CHTF18: variants seen among roughly 807,000 people sequenced by gnomAD.
CHTF18 encodes the protein chromosome transmission fidelity protein 18 homolog.
In CHTF18, 151 loss-of-function variants were observed where a neutral mutation model predicts 113.4. That is an observed-to-expected ratio of 1.33 (90% CI 1.17 to 1.52). The LOEUF (loss-of-function observed/expected upper bound fraction) is 1.52. Among genes scored for constraint, CHTF18 ranks in the 40% most tolerant of loss-of-function variants. The probability of loss-of-function intolerance (pLI) is 0.00; values close to 1 mark genes in which losing one functional copy is unlikely to be tolerated. For missense variants in CHTF18, 1,982 were observed against 1,381.6 expected, an observed-to-expected ratio of 1.43 and a Z score of -6.89; for synonymous variants, 916 against 598.8, an observed-to-expected ratio of 1.53 and a Z score of -7.74.
Position 796,724 on chromosome 16 carries a change from G to C in CHTF18, c.2464G>C (p.Glu822Gln), listed in dbSNP as rs927501583. 1 of 1,600,656 alleles carries C rather than the reference G, an allele frequency of 6.2e-7. No individual in the cohort carries two copies. The highest frequency in any genetic ancestry group is 1.7e-5 in the Admixed American group (1 of 59,828). The part of the protein sequence containing the change: ...QYIYRLEPNV[E>Q]ELCRFPELPA... ...TCCCCCTGTGCTGAGCAGGAACGTG[G>C]AGGAACTCTGCCGCTTCCCTGAGCT... The change falls in exon 19 of 22, where the codon GAG (glutamate) becomes CAG (glutamine). Residue 822 changes from glutamate (E) to glutamine (Q), a missense_variant. Physicochemically the swap from Glu to Gln is conservative, Grantham distance 29 (BLOSUM62 2). Coordinates refer to ENST00000262315, the MANE Select transcript of CHTF18 (RefSeq NM_022092.3).
At chr16:793,558 C>G in intron 14 of CHTF18, 1 of 570,634 alleles carries the variant, frequency 1.8e-6, no homozygotes, top group Admixed American at 3.1e-5. Flanking sequence ...CCCCTTGACT[C>G]AGCTGCTGTC....
intron 3 of CHTF18, 88 bp downstream of exon 3, chr16:789,448 G>T: frequency 2.0e-6 from 3 of 1,534,472 alleles, no homozygotes; most frequent in Non-Finnish European, 2.6e-6. Flanking sequence ...AGGCCTGGGG[G>T]GTGGGGAGGG....
At chr16:789,989 C>G (rs535949964) in intron 4 of CHTF18, 188 bp from the exon 5 acceptor site, 2 of 1,535,306 alleles carry the variant, frequency 1.3e-6, no homozygotes, top group East Asian at 4.9e-5. Flanking sequence ...TAAAGCTGCC[C>G]CCAATTTCCC....
rs1365913477 is a variant in CHTF18, at chr16:795,439, GC to G, written c.2175+86del. The G allele has an allele frequency of 6.7e-6, 4 of 596,174 alleles. No individual in the cohort carries two copies. In the African/African-American group the frequency reaches 1.7e-4, roughly 26 times the overall value. The allele number at this position is 596,174 out of a possible 1,614,324, so 36.9% of individuals were successfully genotyped here. On this transcript the variant is annotated intron_variant, in intron 16 of 21. Coordinates refer to ENST00000262315, the MANE Select transcript of CHTF18 (RefSeq NM_022092.3). ...CCCGTGTGGCTGCCCCCGGCCCCGT[GC>G]CCGCCCCCCCAAACACACTGCCCGT... is the stretch of plus-strand genomic sequence containing the variant.
At chr16:794,686 C>A (rs1055607004) in intron 15 of CHTF18, 3 of 226,616 alleles carry the variant, frequency 1.3e-5, no homozygotes, top group Admixed American at 5.1e-5. Flanking sequence ...CCAAAAGCCG[C>A]GATGTGGAGG....
rs769676245 is a variant in CHTF18, at chr16:791,156, C to T, written c.895-5C>T. On this transcript the variant is annotated splice_region_variant and splice_polypyrimidine_tract_variant and intron_variant, in intron 7 of 21. Coordinates refer to ENST00000262315, the MANE Select transcript of CHTF18 (RefSeq NM_022092.3). ...GCTGTGCTTCCCTTCCCGTCCTTCC[C>T]GCAGTTCACCAACCGCTGCCTGCTC... The T allele has an allele frequency of 9.7e-5, 156 of 1,607,738 alleles. No individual in the cohort carries two copies. The highest frequency in any genetic ancestry group is 1.9e-4 in the Admixed American group (11 of 59,394).
At chr16:793,402 C>A in intron 14 of CHTF18, 128 bp downstream of exon 14, 1 of 1,226,310 alleles carries the variant, frequency 8.2e-7, no homozygotes, top group Non-Finnish European at 1.1e-6. Flanking sequence ...GTTGCCTGGT[C>A]CAGCCTCCAG....
chr16:795,096 G>A lies in CHTF18; in HGVS notation c.1951-36G>A, dbSNP rs530270925. ...TCCGTGGTGGTGCACCTTCCCTGGG[G>A]TGGGCAGGAGCTCAGGGGTTGCCGG... On this transcript the variant is annotated intron_variant, in intron 15 of 21. Coordinates refer to ENST00000262315, the MANE Select transcript of CHTF18 (RefSeq NM_022092.3). 1.5e-3 allele frequency: 2,298 copies of A among 1,486,350 alleles called. 4 individuals carry two copies. Among genetic ancestry groups the A allele is most frequent in the Non-Finnish European group, 2.0e-3 (2,177 of 1,102,040 alleles). 92.1% of individuals were successfully genotyped at this position (1,486,350 alleles called of 1,614,324 possible). A position where few individuals can be genotyped will look rare whatever the true frequency, so the allele number is the denominator to read the frequency against.
rs748907537 is a variant in CHTF18 at position 790,767 on chromosome 16, G to A, written c.894+101G>A. ...TTGCACAGCCAATCCACTGGGCCTC[G>A]GAGACGGAGTGGGCTCTGGTTTGCC... On this transcript the variant is annotated intron_variant, in intron 7 of 21. Transcript: ENST00000262315. 4.9e-4 allele frequency: 705 copies of A among 1,441,516 alleles called. 1 individual carries two copies. Among genetic ancestry groups the A allele is most frequent in the Non-Finnish European group, 5.9e-4 (654 of 1,104,274 alleles). The allele number at this position is 1,441,516 out of a possible 1,614,324, so 89.3% of individuals were successfully genotyped here. A position where few individuals can be genotyped will look rare whatever the true frequency, so the allele number is the denominator to read the frequency against.
Position 792,311 on chromosome 16 carries a change from C to G in CHTF18, c.1290C>G (p.Asn430Lys). 6.4e-7 allele frequency: 1 copy of G among 1,553,586 alleles called. No individual in the cohort carries two copies. The highest frequency in any genetic ancestry group is 8.7e-7 in the Non-Finnish European group (1 of 1,148,966). ...ESVLGAGGKPNCLVIDEIDGA... is the reference protein window; with the variant it reads ...ESVLGAGGKPKCLVIDEIDGA... ...TGCTGGGTGCTGGCGGGAAGCCCAA[C>G]TGCCTGGTCATCGATGAGATCGACG... Residue 430 changes from asparagine to lysine, a missense_variant, in exon 10 of 22, where the codon AAC becomes AAG. Physicochemically the swap from Asn to Lys is moderately conservative, Grantham distance 94. Transcript: ENST00000262315.
At chr16:796,100 T>G (rs1346895095) in intron 18 of CHTF18, 23 bp downstream of exon 18, 5 of 1,590,040 alleles carry the variant, frequency 3.1e-6, no homozygotes, top group Non-Finnish European at 4.3e-6. Flanking sequence ...GTGCCTGGGG[T>G]GTGCTCCAGG....
chr16:791,014 C>G (rs955251693), intron 7 of CHTF18, 147 bp from the exon 8 acceptor site: 2 of 1,471,634 alleles, frequency 1.4e-6, no homozygotes, highest in East Asian at 5.0e-5. Flanking sequence ...GTGAGCCTTG[C>G]GGTCACTCGC....
rs1459664983 is a variant in CHTF18 at position 790,390 on chromosome 16, C to T, written c.743C>T (p.Thr248Ile). ...CAGGAGGCCCAGAAGCTTTCAGACA[C>T]CCTGCACAGGTGACTTGGTTGGCCC... ...LLQEAQKLSD[T>I]LHSLRSGEEE... Residue 248 changes from threonine to isoleucine, a missense_variant, in exon 6 of 22, where the codon ACC (threonine) becomes ATC (isoleucine). Physicochemically the swap from Thr to Ile is moderately conservative, Grantham distance 89 (BLOSUM62 -1). Coordinates refer to ENST00000262315, the MANE Select transcript of CHTF18 (RefSeq NM_022092.3). 3.1e-6 allele frequency: 5 copies of T among 1,612,250 alleles called. No homozygotes were observed. Among genetic ancestry groups the T allele is most frequent in the African/African-American group, 1.3e-5 (1 of 74,934 alleles).
chr16:790,061 C>G (rs779895588), intron 4 of CHTF18, 116 bp from the exon 5 acceptor site: 38 of 1,536,844 alleles, frequency 2.5e-5, no homozygotes, highest in African/African-American at 2.2e-4. Context: ...TCTCCCACCC[C>G]TCACTGGCCA....
chr16:797,546 G>A (rs549621977), intron 20 of CHTF18, 148 bp from the exon 21 acceptor site: 8 of 748,688 alleles, frequency 1.1e-5, no homozygotes, highest in Admixed American at 2.5e-5. Flanking sequence ...TGAGGGGTGA[G>A]GGGCAGCTGG....
Position 788,924 on chromosome 16 carries a change from C to T in CHTF18, c.92-7C>T, listed in dbSNP as rs988703496. On this transcript the variant is annotated splice_polypyrimidine_tract_variant and splice_region_variant and intron_variant, in intron 1 of 21. Coordinates refer to ENST00000262315, the MANE Select transcript of CHTF18 (RefSeq NM_022092.3). ...GGGCGGCCGCTGACAATCTCCTCTC[C>T]CAGCAGGGGCGTCGACTCCGTCGCC... is the stretch of plus-strand genomic sequence containing the variant. The T allele has an allele frequency of 5.0e-5, 77 of 1,536,304 alleles. No individual in the cohort carries two copies. The highest frequency in any genetic ancestry group is 3.6e-4 in the Admixed American group (18 of 50,392).
In CHTF18 at chr16:789,694, C is replaced by T. The variant is rs1235179687; in HGVS notation, c.585C>T (p.Asp195=). ...GGGCTTATCTGGTGCTGCGTGCTGA[C>T]CCCATGGCCCCGGGGGTGCAGGTGC... The part of the protein sequence containing the change: ...GVRAYLVLRA[D]PMAPGVQGSL... The change falls in exon 4 of 22, where the codon GAC becomes GAT. Residue 195 remains aspartate (D), a synonymous_variant. Coordinates refer to ENST00000262315, the MANE Select transcript of CHTF18 (RefSeq NM_022092.3). 5 of 1,594,944 alleles carry T rather than the reference C, an allele frequency of 3.1e-6. No homozygotes were observed. The highest frequency in any genetic ancestry group is 4.2e-6 in the Non-Finnish European group (5 of 1,176,588).
At position 796,796 on chromosome 16, in the gene CHTF18, C is replaced by T. The variant is rs756508846; in HGVS notation, c.2536C>T (p.Arg846Cys). ...LTYQTKQLIA[R>C]EIEVEKMRRA... is the part of the protein sequence containing the mutation. ...CTACCAGACGAAGCAGCTCATCGCC[C>T]GCGAGATCGAGGTGGAGAAGATGCG... The change falls in exon 19 of 22, where the codon CGC (arginine) becomes TGC (cysteine). Residue 846 changes from arginine (R) to cysteine (C), a missense_variant. Arg to Cys is a radical substitution (Grantham distance 180). Coordinates refer to ENST00000262315, the MANE Select transcript of CHTF18 (RefSeq NM_022092.3). 75 of 1,610,984 alleles carry T rather than the reference C, an allele frequency of 4.7e-5. No individual in the cohort carries two copies. The East Asian group carries it at 4.9e-4, about 11-fold the overall frequency.
rs748463556 is a variant in CHTF18, at chr16:791,348, C to T, written c.1082C>T (p.Pro361Leu). Reference protein sequence around the residue: ...LEEMLEAGLDPSQRPKQKVAL... With the variant: ...LEEMLEAGLDLSQRPKQKVAL... ...GAGATGCTGGAGGCTGGGCTGGACC[C>T]GAGCCAGCGACCGAAGCAGAAGGTG... Residue 361 changes from proline (P) to leucine (L), a missense_variant, in exon 8 of 22, where the codon CCG becomes CTG. Transcript: ENST00000262315. 41 of 1,604,970 alleles carry T rather than the reference C, an allele frequency of 2.6e-5. No individual in the cohort carries two copies. The highest frequency in any genetic ancestry group is 1.8e-4 in the Middle Eastern group (1 of 5,532).
Sources: allele counts gnomAD v4.1 joint callset, GRCh38; gene constraint gnomAD v4.1.1; transcripts MANE v1.5; gene names NCBI Gene and HGNC (gene_info 2026-07-23, HGNC 2026-07-21).